CADM2: variants seen among roughly 807,000 people sequenced by gnomAD.
The protein encoded by CADM2 is cell adhesion molecule 2.
A neutral mutation model predicts 49.8 loss-of-function variants in CADM2; 12 were observed. That is an observed-to-expected ratio of 0.24 (90% CI 0.15 to 0.39). The LOEUF is 0.39. Ranked by LOEUF, CADM2 falls within the 10% of genes least tolerant of loss-of-function variation. The pLI is 1.00. For synonymous variants in CADM2, 214 were observed against 175.4 expected, an observed-to-expected ratio of 1.22 and a Z score of -1.74; for missense variants, 378 against 492.3, an observed-to-expected ratio of 0.77 and a Z score of 2.20.
At chr3:85,209,020 T>C (rs948554312) in intron 1 of CADM2, among the ~76,000 whole-genome samples, 5 of 152,180 alleles carry the variant, frequency 3.3e-5, no homozygotes, top group Admixed American at 3.3e-4. Context: ...TTTTTGAAAG[T>C]TGTAAACACA....
At position 85,912,527 on chromosome 3, in the gene CADM2, G is replaced by C. The variant is rs375253682; in HGVS notation, c.684G>C (p.Gln228His). Residue 228 changes from glutamine to histidine, a missense_variant, in exon 6 of 10, where the codon CAG (glutamine) becomes CAC (histidine). Transcript: ENST00000383699. ...SLNATPQVAMQVLEIHYTPSV... is the reference protein window; with the variant it reads ...SLNATPQVAMHVLEIHYTPSV... ...ATGCCACCCCTCAGGTAGCCATGCA[G>C]GTGCTAGAAATACACTGTAAGTAAA... 28 of 1,613,416 alleles carry C rather than the reference G, an allele frequency of 1.7e-5. No homozygotes were observed. In the East Asian group the frequency reaches 5.8e-4, roughly 33 times the overall value.
At chr3:85,318,852 C>T (rs1459046385) in intron 1 of CADM2, among the ~76,000 whole-genome samples, 2 of 152,038 alleles carry the variant, frequency 1.3e-5, no homozygotes, top group East Asian at 1.9e-4. Flanking sequence ...TCCAATATTA[C>T]GTTCCTTTTC....
chr3:85,566,530 A>G (rs1038436650), intron 1 of CADM2, among the ~76,000 whole-genome samples: 1 of 152,148 alleles, frequency 6.6e-6, no homozygotes, highest in African/African-American at 2.4e-5. Context: ...ATACACACAT[A>G]AAACAAACAA....
At chr3:85,103,984 G>C (rs977745679) in intron 1 of CADM2, among the ~76,000 whole-genome samples, 1 of 152,296 alleles carries the variant, frequency 6.6e-6, no homozygotes, top group South Asian at 2.1e-4. Flanking sequence ...TTTAGAAAAA[G>C]TGAGATGTAA....
At chr3:85,318,610 T>C (rs1003491843) in intron 1 of CADM2, among the ~76,000 whole-genome samples, 24 of 152,274 alleles carry the variant, frequency 1.6e-4, no homozygotes, top group African/African-American at 5.8e-4. Context: ...AAAGATAACA[T>C]AGTACCTTCA....
At chr3:85,160,193 C>G (rs2040274410) in intron 1 of CADM2, among the ~76,000 whole-genome samples, 1 of 152,014 alleles carries the variant, frequency 6.6e-6, no homozygotes, top group South Asian at 2.1e-4. Context: ...TCAGCATTTC[C>G]AATGTTTTAT....
intron 1 of CADM2, among the ~76,000 whole-genome samples, chr3:85,015,410 T>TA (rs1457705774): frequency 1.3e-5 from 2 of 152,206 alleles, no homozygotes; most frequent in Admixed American, 6.5e-5. Flanking sequence ...ATGATTATAT[T>TA]ACTCCATTTA....
chr3:85,354,000 T>A lies in CADM2; in HGVS notation c.62-372522T>A, dbSNP rs540068006. Among the ~76,000 whole-genome samples the A allele has an allele frequency of 8.5e-5, 13 of 152,182 alleles. No individual in the cohort carries two copies. In the South Asian group the frequency reaches 2.5e-3, roughly 29 times the overall value. ...TCTAATTTGAATCAAAGTACAAATA[T>A]TACTCTTGTCAACGCCATTTTTTTT... On this transcript the variant is annotated intron_variant, in intron 1 of 9. Transcript: ENST00000383699.
intron 1 of CADM2, among the ~76,000 whole-genome samples, chr3:85,237,909 T>A (rs945031567): frequency 6.6e-6 from 1 of 151,916 alleles, no homozygotes; most frequent in South Asian, 2.1e-4. Context: ...TCAATGTTTT[T>A]ATTTGATCAT....
intron 1 of CADM2, among the ~76,000 whole-genome samples, chr3:85,544,163 G>A (rs897280420): frequency 1.3e-5 from 2 of 152,152 alleles, no homozygotes; most frequent in Non-Finnish European, 2.9e-5. Flanking sequence ...GAGAGGATGT[G>A]TTTCTGGTTA....
rs200757580 is a variant in CADM2, at chr3:85,081,736, G to A, written c.61+122068G>A. Among the ~76,000 whole-genome samples, 30 of 152,260 alleles carry A rather than the reference G, an allele frequency of 2.0e-4. No homozygotes were observed. The East Asian group carries it at 5.8e-3, about 29-fold the overall frequency. On this transcript the variant is annotated intron_variant, in intron 1 of 9. Transcript: ENST00000383699. ...CTCCACTCCAGGGCATCGAGGAAGAGGCCGGCATTTCTCCTCTCTGCCTGT... is the reference window on the plus strand; with the variant it reads ...CTCCACTCCAGGGCATCGAGGAAGAAGCCGGCATTTCTCCTCTCTGCCTGT...
chr3:85,675,741 T>A (rs944808145), intron 1 of CADM2, among the ~76,000 whole-genome samples: 2 of 152,176 alleles, frequency 1.3e-5, no homozygotes, highest in African/African-American at 4.8e-5. Flanking sequence ...CAGATGTCAT[T>A]CATTAATCAT....
At chr3:85,883,492 A>G in intron 4 of CADM2, 49 bp downstream of exon 4, 1 of 1,471,832 alleles carries the variant, frequency 6.8e-7, no homozygotes, top group South Asian at 1.3e-5. Context: ...AGAATGATAT[A>G]TATTGCTACA....
intron 1 of CADM2, among the ~76,000 whole-genome samples, chr3:85,670,702 A>G (rs994689304): frequency 3.5e-4 from 53 of 152,212 alleles, no homozygotes; most frequent in Non-Finnish European, 1.9e-4. Flanking sequence ...CTGAAGTTGT[A>G]TGGAAGGAAG....
In CADM2 at chr3:85,490,477, G is replaced by T. The variant is rs560998463; in HGVS notation, c.62-236045G>T. ...CTTACACCTATAATACTAGCAATTT[G>T]GGAGGCCAAGGTAGAAGGATTGCTT... On this transcript the variant is annotated intron_variant, in intron 1 of 9. Transcript: ENST00000383699. Among the ~76,000 whole-genome samples, 11 of 152,110 alleles carry T rather than the reference G, an allele frequency of 7.2e-5. 1 individual carries two copies. The highest frequency in any genetic ancestry group is 2.4e-4 in the African/African-American group (10 of 41,506).
At chr3:85,370,976 A>G in intron 1 of CADM2, among the ~76,000 whole-genome samples, 1 of 149,240 alleles carries the variant, frequency 6.7e-6, no homozygotes, top group East Asian at 1.9e-4. Flanking sequence ...CGATAGAAAT[A>G]AGCTTACAGA....
chr3:85,121,022 T>C (rs1257018372), intron 1 of CADM2, among the ~76,000 whole-genome samples: 1 of 152,160 alleles, frequency 6.6e-6, no homozygotes, highest in Non-Finnish European at 1.5e-5. Flanking sequence ...AGAGATACTT[T>C]GAAATGCAAA....
At chr3:85,472,805 T>C (rs2038823751) in intron 1 of CADM2, among the ~76,000 whole-genome samples, 1 of 151,996 alleles carries the variant, frequency 6.6e-6, no homozygotes, top group Non-Finnish European at 1.5e-5. Context: ...CTCTAATCGA[T>C]GGAAAATGAA....
intron 8 of CADM2, chr3:86,014,989 G>T: frequency 2.6e-6 from 3 of 1,172,256 alleles, no homozygotes; most frequent in Non-Finnish European, 3.8e-6. Flanking sequence ...CAAAGTTCGA[G>T]TAACTTGGCT....
Sources: allele counts gnomAD v4.1 joint callset (sites outside exome capture counted in the v4.1 genomes callset), GRCh38; gene constraint gnomAD v4.1.1; transcripts MANE v1.5; gene names NCBI Gene and HGNC (gene_info 2026-07-23, HGNC 2026-07-21).